Variants in MORF4L1 observed in about 807,000 individuals in gnomAD.
MORF4L1 encodes mortality factor 4 like 1.
MORF4L1 carries 4 observed loss-of-function variants against 52.9 expected under a neutral mutation model. The observed-to-expected ratio is 0.08, with a 90% CI of 0.04 to 0.17. The LOEUF is 0.17. Among genes scored for constraint, MORF4L1 ranks in the 10% least tolerant of loss-of-function variants. MORF4L1 has a pLI of 1.00. For synonymous variants in MORF4L1, 123 were observed against 134.8 expected, an observed-to-expected ratio of 0.91 and a Z score of 0.61; for missense variants, 214 against 390.4, an observed-to-expected ratio of 0.55 and a Z score of 3.81.
At chr15:78,892,097 G>T (rs1404121383) in intron 7 of MORF4L1, 115 bp from the exon 8 acceptor site, 2 of 638,022 alleles carry the variant, frequency 3.1e-6, no homozygotes, top group Non-Finnish European at 5.5e-6. Context: ...CAGTACAGCT[G>T]TATGCTTGGC....
At chr15:78,880,800 C>G (rs1222021834) in intron 3 of MORF4L1, among the ~76,000 whole-genome samples, 2 of 150,554 alleles carry the variant, frequency 1.3e-5, no homozygotes, top group Non-Finnish European at 3.0e-5. Flanking sequence ...TTGTTATGTT[C>G]TAGTGTAATA....
At chr15:78,881,661 T>A (rs1392598798) in intron 3 of MORF4L1, among the ~76,000 whole-genome samples, 1 of 152,190 alleles carries the variant, frequency 6.6e-6, no homozygotes, top group Non-Finnish European at 1.5e-5. Context: ...GTCTAAAAAT[T>A]TACCCAAGTC....
chr15:78,879,346 C>G (rs958111823), intron 2 of MORF4L1, among the ~76,000 whole-genome samples: 1 of 152,094 alleles, frequency 6.6e-6, no homozygotes. Context: ...CTCAGCCTCC[C>G]GAGTAGCTGG....
chr15:78,893,069 A>G (rs1176586434), intron 8 of MORF4L1: 1 of 153,044 alleles, frequency 6.5e-6, no homozygotes, highest in Non-Finnish European at 1.5e-5. Flanking sequence ...TAATGGAATA[A>G]TAGTTTGTAT....
At chr15:78,875,091 T>C (rs1596237004) in intron 1 of MORF4L1, among the ~76,000 whole-genome samples, 1 of 152,346 alleles carries the variant, frequency 6.6e-6, no homozygotes, top group East Asian at 1.9e-4. Context: ...TGTAATGTCA[T>C]AGAACGTGAC....
intron 4 of MORF4L1, among the ~76,000 whole-genome samples, chr15:78,886,592 C>T (rs1324774909): frequency 1.3e-5 from 2 of 152,026 alleles, no homozygotes; most frequent in East Asian, 1.9e-4. Flanking sequence ...TCTGAAAGCA[C>T]GGGAAAAGGG....
chr15:78,880,001 G>T (rs1318482432), intron 2 of MORF4L1, among the ~76,000 whole-genome samples: 1 of 152,200 alleles, frequency 6.6e-6, no homozygotes, highest in Non-Finnish European at 1.5e-5. Flanking sequence ...GTCATCACTT[G>T]TCATAGTTAA....
At position 78,898,133 on chromosome 15, in the gene MORF4L1, A is replaced by C. The variant is rs2056919449; in HGVS notation, c.*1066A>C. 6.6e-6 allele frequency: 1 copy of C among 152,218 alleles called. No individual in the cohort carries two copies. The highest frequency in any genetic ancestry group is 2.4e-5 in the African/African-American group (1 of 41,464). 9.4% of individuals were successfully genotyped at this position (152,218 alleles called of 1,614,324 possible). Reference sequence around the variant, plus strand: ...TATTAAAATAACCCAAAAGTTGTAAAGGGCAACGTTTCTCCCCTTTGATAG... The same window carrying C: ...TATTAAAATAACCCAAAAGTTGTAACGGGCAACGTTTCTCCCCTTTGATAG... On this transcript the variant is annotated 3_prime_UTR_variant, in exon 12 of 12. Coordinates refer to ENST00000426013, the MANE Select transcript of MORF4L1 (RefSeq NM_006791.4).
At chr15:78,879,841 A>T (rs1381725102) in intron 2 of MORF4L1, among the ~76,000 whole-genome samples, 1 of 152,152 alleles carries the variant, frequency 6.6e-6, no homozygotes, top group Non-Finnish European at 1.5e-5. Flanking sequence ...TGTTGTATCA[A>T]CGTTTGGCAA....
chr15:78,873,263 C>T, intron 1 of MORF4L1: 2 of 1,482,284 alleles, frequency 1.3e-6, no homozygotes, highest in Non-Finnish European at 1.8e-6. Context: ...GAGTGCTGCG[C>T]AGGCGTTAGA....
intron 5 of MORF4L1, among the ~76,000 whole-genome samples, chr15:78,887,819 C>G (rs2056732389): frequency 6.6e-6 from 1 of 152,180 alleles, no homozygotes; most frequent in Admixed American, 6.5e-5. Flanking sequence ...CCTCTTGTTG[C>G]CCAGGCTGGA....
At chr15:78,896,477 ATTTTGTGTCTTTAGT>A (rs1401225177) in intron 11 of MORF4L1, among the ~76,000 whole-genome samples, 1 of 151,480 alleles carries the variant, frequency 6.6e-6, no homozygotes, top group Non-Finnish European at 1.5e-5. Flanking sequence ...TGTCCAGCTA[ATTTTGTGTCTTTAGT>A]AGAGACGGGT....
chr15:78,880,246 C>G (rs141241391), intron 2 of MORF4L1, among the ~76,000 whole-genome samples: 1 of 152,300 alleles, frequency 6.6e-6, no homozygotes, highest in Non-Finnish European at 1.5e-5. Context: ...ACAAGCATAG[C>G]TTTCATTAGC....
intron 11 of MORF4L1, among the ~76,000 whole-genome samples, 159 bp from the exon 12 acceptor site, chr15:78,896,824 C>T (rs1335276071): frequency 2.0e-5 from 3 of 152,050 alleles, no homozygotes; most frequent in South Asian, 4.1e-4. Context: ...TATTTATTTA[C>T]CTGAATTGTC....
chr15:78,878,896 C>G (rs894430188), intron 2 of MORF4L1, among the ~76,000 whole-genome samples: 1 of 151,986 alleles, frequency 6.6e-6, no homozygotes, highest in African/African-American at 2.4e-5. Flanking sequence ...AAAATGAGCC[C>G]GTAAAATACA....
chr15:78,875,927 T>C (rs2056479117), intron 1 of MORF4L1, among the ~76,000 whole-genome samples: 1 of 151,132 alleles, frequency 6.6e-6, no homozygotes, highest in South Asian at 2.1e-4. Flanking sequence ...AGAAGTAGTG[T>C]TTTTTTGTTT....
At chr15:78,884,684 C>T in intron 3 of MORF4L1, among the ~76,000 whole-genome samples, 1 of 127,304 alleles carries the variant, frequency 7.9e-6, no homozygotes, top group Non-Finnish European at 1.7e-5. Flanking sequence ...CACACACACA[C>T]ACAAATATCT....
chr15:78,887,446 CATT>C, intron 5 of MORF4L1, 97 bp downstream of exon 5: 1 of 1,039,150 alleles, frequency 9.6e-7, no homozygotes, highest in East Asian at 2.6e-5. Flanking sequence ...AACTTTGGAA[CATT>C]GTTGGAACCA....
intron 2 of MORF4L1, among the ~76,000 whole-genome samples, chr15:78,879,289 T>A: frequency 6.6e-6 from 1 of 151,858 alleles, no homozygotes; most frequent in East Asian, 1.9e-4. Flanking sequence ...TGGTGCGATC[T>A]TGGCTCACTG....
Sources: allele counts gnomAD v4.1 joint callset (sites outside exome capture counted in the v4.1 genomes callset), GRCh38; gene constraint gnomAD v4.1.1; transcripts MANE v1.5; gene names NCBI Gene and HGNC (gene_info 2026-07-23, HGNC 2026-07-21).